Variants in GALNT17 observed in about 807,000 individuals in gnomAD.
The protein encoded by GALNT17 is polypeptide N-acetylgalactosaminyltransferase 17, also known as UDP-GalNAc:polypeptide N-acetylgalactosaminyltransferase-like 3.
GALNT17 carries 29 observed loss-of-function variants against 63.7 expected under a neutral mutation model. The observed-to-expected ratio is 0.46, with a 90% CI of 0.34 to 0.62. GALNT17 has a LOEUF of 0.62. Ranked by LOEUF, GALNT17 falls within the 20% of genes least tolerant of loss-of-function variation. The probability of loss-of-function intolerance (pLI) is 0.01; values close to 1 mark genes in which losing one functional copy is unlikely to be tolerated. For missense variants in GALNT17, 603 were observed against 799.6 expected, an observed-to-expected ratio of 0.75 and a Z score of 2.97; for synonymous variants, 305 against 318.3, an observed-to-expected ratio of 0.96 and a Z score of 0.45.
intron 1 of GALNT17, among the ~76,000 whole-genome samples, chr7:71,262,104 A>G (rs944543350): frequency 1.3e-5 from 2 of 151,968 alleles, no homozygotes; most frequent in African/African-American, 2.4e-5. Flanking sequence ...CTTCTTTTAA[A>G]TCTTAATTGA....
intron 1 of GALNT17, among the ~76,000 whole-genome samples, chr7:71,159,898 C>A (rs1788309396): frequency 6.6e-6 from 1 of 151,790 alleles, no homozygotes; most frequent in African/African-American, 2.4e-5. Context: ...TCTTCTGCCT[C>A]AGCCTCCTGA....
intron 5 of GALNT17, among the ~76,000 whole-genome samples, chr7:71,567,290 G>A (rs544716006): frequency 6.6e-6 from 1 of 152,262 alleles, no homozygotes; most frequent in East Asian, 1.9e-4. Context: ...ACCAGCAGGA[G>A]CAAGGTCCCG....
intron 1 of GALNT17, among the ~76,000 whole-genome samples, chr7:71,145,037 G>A (rs1787992336): frequency 6.6e-6 from 1 of 152,096 alleles, no homozygotes; most frequent in African/African-American, 2.4e-5. Flanking sequence ...TTGGGCTGGG[G>A]TTTTTAAGGG....
chr7:71,352,304 A>G (rs1325956642), intron 2 of GALNT17, among the ~76,000 whole-genome samples: 2 of 152,048 alleles, frequency 1.3e-5, no homozygotes, highest in Non-Finnish European at 2.9e-5. Flanking sequence ...AGTCCATGAA[A>G]CCTCTTTTAC....
At chr7:71,651,219 A>AC (rs1184512557) in intron 6 of GALNT17, among the ~76,000 whole-genome samples, 1 of 122,038 alleles carries the variant, frequency 8.2e-6, no homozygotes, top group Non-Finnish European at 1.7e-5. Flanking sequence ...GGATGGGAGC[A>AC]CAAAAAAAAA....
chr7:71,406,412 A>C (rs75129278), intron 3 of GALNT17, among the ~76,000 whole-genome samples: 4,780 of 152,108 alleles, frequency 0.031, 110 homozygotes, highest in Middle Eastern at 0.075. Context: ...GAACTTACAA[A>C]AGTAAGCTTT....
chr7:71,510,785 T>C lies in GALNT17; in HGVS notation c.963-60500T>C, dbSNP rs75727256. Among the ~76,000 whole-genome samples the C allele has an allele frequency of 1.5e-3, 229 of 152,266 alleles. 3 individuals carry two copies. The highest frequency in any genetic ancestry group is 5.3e-3 in the African/African-American group (222 of 41,546). On this transcript the variant is annotated intron_variant, in intron 5 of 10. Transcript: ENST00000333538. ...GCCTGTCCTCATGATGTTCATTCTA[T>C]TGATTGCATCCTCTTCCCAGGTAGG...
rs1041093277 is a variant in GALNT17 at position 71,388,471 on chromosome 7, C to T, written c.589+70C>T. On this transcript the variant is annotated intron_variant, in intron 3 of 10. Coordinates refer to ENST00000333538, the MANE Select transcript of GALNT17 (RefSeq NM_022479.3). ...GGGAAATGCCACTTTCATTCCAACG[C>T]GAGCCCGAGCATCTGTGTCTCCTGG... The T allele has an allele frequency of 1.9e-5, 29 of 1,541,060 alleles. No homozygotes were observed. Among genetic ancestry groups the T allele is most frequent in the Admixed American group, 7.2e-5 (4 of 55,888 alleles).
At chr7:71,160,421 T>C (rs1287596984) in intron 1 of GALNT17, among the ~76,000 whole-genome samples, 2 of 152,206 alleles carry the variant, frequency 1.3e-5, no homozygotes, top group Non-Finnish European at 2.9e-5. Context: ...AGATACATAG[T>C]AGGCTGCTTT....
Position 71,712,219 on chromosome 7 carries a change from C to A in GALNT17, c.*73C>A. ...TCCCCCCAACATCTGGACCAGCTGC[C>A]CTGGCGGAGAGACAGCAAGGGGCCG... On this transcript the variant is annotated 3_prime_UTR_variant, in exon 11 of 11. Coordinates refer to ENST00000333538, the MANE Select transcript of GALNT17 (RefSeq NM_022479.3). The A allele has an allele frequency of 6.4e-7, 1 of 1,560,046 alleles. No individual in the cohort carries two copies. Among genetic ancestry groups the A allele is most frequent in the South Asian group, 1.2e-5 (1 of 84,406 alleles).
At chr7:71,621,553 A>ATGGATGGATG (rs1790294336) in intron 6 of GALNT17, among the ~76,000 whole-genome samples, 9 of 143,040 alleles carry the variant, frequency 6.3e-5, no homozygotes, top group Non-Finnish European at 1.2e-4. Context: ...ATTGATGGAT[A>ATGGATGGATG]GATGGATGGA....
At chr7:71,462,682 G>T (rs564990440) in intron 5 of GALNT17, among the ~76,000 whole-genome samples, 1 of 152,304 alleles carries the variant, frequency 6.6e-6, no homozygotes, top group East Asian at 1.9e-4. Context: ...ACTTGAAGTG[G>T]GAGGGAGTGT....
At chr7:71,635,283 A>G (rs1469211593) in intron 6 of GALNT17, among the ~76,000 whole-genome samples, 1 of 152,078 alleles carries the variant, frequency 6.6e-6, no homozygotes, top group African/African-American at 2.4e-5. Flanking sequence ...TTGCAGAGGA[A>G]GCTTTTAGGT....
At chr7:71,644,662 G>T (rs1202829470) in intron 6 of GALNT17, among the ~76,000 whole-genome samples, 2 of 151,778 alleles carry the variant, frequency 1.3e-5, no homozygotes, top group African/African-American at 2.4e-5. Context: ...GAGACAGGAG[G>T]ATTGCTTAAG....
At chr7:71,210,440 T>A (rs976496990) in intron 1 of GALNT17, among the ~76,000 whole-genome samples, 1 of 152,134 alleles carries the variant, frequency 6.6e-6, no homozygotes, top group African/African-American at 2.4e-5. Context: ...CCTGGCCGAG[T>A]GACAATTTGA....
chr7:71,318,985 C>G (rs2115989062), intron 1 of GALNT17, among the ~76,000 whole-genome samples: 1 of 152,242 alleles, frequency 6.6e-6, no homozygotes, highest in African/African-American at 2.4e-5. Context: ...GGTCATTGGG[C>G]TGACCAGGGC....
At chr7:71,395,419 T>C (rs922220592) in intron 3 of GALNT17, among the ~76,000 whole-genome samples, 1 of 152,238 alleles carries the variant, frequency 6.6e-6, no homozygotes, top group Admixed American at 6.5e-5. Flanking sequence ...AAGTACTTCA[T>C]TCTTTTTATG....
At chr7:71,634,112 C>A (rs1176397368) in intron 6 of GALNT17, among the ~76,000 whole-genome samples, 1 of 152,210 alleles carries the variant, frequency 6.6e-6, no homozygotes, top group Non-Finnish European at 1.5e-5. Flanking sequence ...GGTAATCTTG[C>A]AACCCTCAGC....
intron 1 of GALNT17, among the ~76,000 whole-genome samples, chr7:71,265,118 A>ATATATATATTT (rs1390488895): frequency 6.7e-4 from 25 of 37,440 alleles, no homozygotes; most frequent in Non-Finnish European, 1.2e-3. Context: ...ATATATATAT[A>ATATATATATTT]TTTTTTTTTT....
Sources: gnomAD v4.1 joint callset for allele counts (sites outside exome capture counted in the v4.1 genomes callset) on GRCh38, gnomAD v4.1.1 for gene constraint, MANE v1.5 for transcripts, NCBI Gene and HGNC (gene_info 2026-07-23, HGNC 2026-07-21) for gene names.